TSGA10: variants seen among roughly 807,000 people sequenced by gnomAD.
The protein encoded by TSGA10 is testis-specific gene 10 protein.
A neutral mutation model predicts 96.6 loss-of-function variants in TSGA10; 43 were observed. The ratio of observed to expected loss-of-function variants is 0.44; its 90% CI spans 0.35 to 0.57. The LOEUF (loss-of-function observed/expected upper bound fraction) is 0.57. TSGA10 is among the 20% of genes least tolerant of loss of function. TSGA10 has a pLI of 0.01. For synonymous variants in TSGA10, 229 were observed against 269.9 expected (o/e 0.85, Z 1.48); for missense variants, 703 against 834.4 (o/e 0.84, Z 1.94).
intron 3 of TSGA10, 93 bp from the exon 4 acceptor site, chr2:99,117,852 C>T (rs1373244475): frequency 1.1e-5 from 6 of 562,612 alleles, no homozygotes; most frequent in Non-Finnish European, 1.4e-5. Flanking sequence ...GGGAGATTTG[C>T]TTCCCTGGCA....
At chr2:99,036,214 G>A (rs2081611873) in intron 16 of TSGA10, among the ~76,000 whole-genome samples, 1 of 152,076 alleles carries the variant, frequency 6.6e-6, no homozygotes, top group Non-Finnish European at 1.5e-5. Flanking sequence ...CAAGTGTAAA[G>A]CACTAGAATT....
intron 1 of TSGA10, among the ~76,000 whole-genome samples, chr2:99,146,632 CT>C (rs1229631785): frequency 6.6e-6 from 1 of 151,922 alleles, no homozygotes; most frequent in Admixed American, 6.6e-5. Flanking sequence ...TTGCACTCCA[CT>C]TTTTTTTCTT....
In TSGA10 at chr2:99,081,183, G is replaced by A. The variant is rs957045576; in HGVS notation, c.727+99C>T. ...TATTCATAAACTTAGTTAAGGGCTTGTTTCCAAGTTTTTCTATGTTATACT... is the reference window on the plus strand; with the variant it reads ...TATTCATAAACTTAGTTAAGGGCTTATTTCCAAGTTTTTCTATGTTATACT... On this transcript the variant is annotated intron_variant, in intron 11 of 20. Transcript: ENST00000393483. 4 of 560,536 alleles carry A rather than the reference G, an allele frequency of 7.1e-6. No individual in the cohort carries two copies. In the African/African-American group the frequency reaches 7.8e-5, roughly 11 times the overall value. The allele number at this position is 560,536 out of a possible 1,614,324, so 34.7% of individuals were successfully genotyped here.
At chr2:99,065,747 A>G (rs1160433486) in intron 15 of TSGA10, among the ~76,000 whole-genome samples, 3 of 152,218 alleles carry the variant, frequency 2.0e-5, no homozygotes, top group Admixed American at 6.5e-5. Context: ...GAAGTAAACT[A>G]TCAAACCTAT....
chr2:99,105,196 T>C (rs2091215388), intron 9 of TSGA10, among the ~76,000 whole-genome samples, 163 bp downstream of exon 9: 1 of 151,998 alleles, frequency 6.6e-6, no homozygotes, highest in South Asian at 2.1e-4. Flanking sequence ...AATAAACAAA[T>C]GAAAAAGTGA....
intron 1 of TSGA10, chr2:99,142,387 TC>T (rs2093576585): frequency 6.6e-6 from 1 of 152,224 alleles, no homozygotes; most frequent in Non-Finnish European, 1.5e-5. Flanking sequence ...GACTAACAAT[TC>T]CTGTTTTCGC....
chr2:99,074,351 C>CGTGT (rs147220063), intron 12 of TSGA10, among the ~76,000 whole-genome samples: 1,634 of 145,120 alleles, frequency 0.011, 7 homozygotes, highest in Middle Eastern at 0.028. Flanking sequence ...CACATATTTG[C>CGTGT]GTGTGTGTGT....
intron 16 of TSGA10, among the ~76,000 whole-genome samples, chr2:99,055,640 A>G (rs2083894803): frequency 6.6e-6 from 1 of 152,080 alleles, no homozygotes; most frequent in Non-Finnish European, 1.5e-5. Context: ...GGGGGAATAA[A>G]GCCAGGCAGA....
chr2:99,081,015 A>G (rs563835929), intron 11 of TSGA10, among the ~76,000 whole-genome samples: 7 of 152,250 alleles, frequency 4.6e-5, no homozygotes, highest in African/African-American at 1.7e-4. Flanking sequence ...TTCAAATTTA[A>G]GTTATCATCG....
At chr2:99,147,515 C>G (rs1311864870) in intron 1 of TSGA10, 2 of 1,610,186 alleles carry the variant, frequency 1.2e-6, no homozygotes, top group Non-Finnish European at 8.5e-7. Flanking sequence ...AGGGCCAAGT[C>G]TACCCTATTA....
intron 10 of TSGA10, among the ~76,000 whole-genome samples, chr2:99,100,056 T>A (rs910351562): frequency 1.3e-5 from 2 of 152,140 alleles, no homozygotes; most frequent in African/African-American, 4.8e-5. Flanking sequence ...TATACAATGC[T>A]TATGGTGGCC....
intron 20 of TSGA10, among the ~76,000 whole-genome samples, chr2:99,007,401 CA>C (rs1334084737): frequency 1.3e-5 from 2 of 151,986 alleles, no homozygotes; most frequent in Admixed American, 6.6e-5. Context: ...TGCAGTTACT[CA>C]AAAAAGTTAA....
At chr2:99,121,504 C>T (rs1386553268) in intron 2 of TSGA10, among the ~76,000 whole-genome samples, 2 of 588 alleles carry the variant, frequency 3.4e-3, no homozygotes, top group Admixed American at 0.028. Flanking sequence ...GAGACAGAAT[C>T]TCATTCTCAC....
intron 10 of TSGA10, among the ~76,000 whole-genome samples, chr2:99,087,009 C>A (rs544466052): frequency 1.4e-4 from 21 of 151,758 alleles, no homozygotes; most frequent in South Asian, 4.2e-4. Flanking sequence ...TTGAGACCAT[C>A]CTGGCTAACA....
intron 1 of TSGA10, among the ~76,000 whole-genome samples, chr2:99,147,901 T>A (rs1205687719): frequency 1.3e-5 from 2 of 152,226 alleles, no homozygotes; most frequent in Non-Finnish European, 2.9e-5. Context: ...GACATTGACT[T>A]ATATAACCAC....
At chr2:99,002,552 C>T (rs56706116) in intron 20 of TSGA10, among the ~76,000 whole-genome samples, 7 of 151,968 alleles carry the variant, frequency 4.6e-5, no homozygotes, top group African/African-American at 7.2e-5. Context: ...TAAAGACCAT[C>T]GAGGCTAAGA....
chr2:99,051,303 T>A (rs1453353449), intron 16 of TSGA10, among the ~76,000 whole-genome samples: 3 of 152,040 alleles, frequency 2.0e-5, no homozygotes, highest in African/African-American at 7.2e-5. Context: ...AAAAAATATA[T>A]CATGCAAAGA....
At chr2:99,017,752 G>A (rs999659328) in intron 20 of TSGA10, among the ~76,000 whole-genome samples, 12 of 146,366 alleles carry the variant, frequency 8.2e-5, no homozygotes, top group East Asian at 2.0e-4. Flanking sequence ...ACGACAGAGA[G>A]AGACTCCGTC....
Position 99,109,481 on chromosome 2 carries a change from C to G in TSGA10, c.-42G>C. On this transcript the variant is annotated 5_prime_UTR_variant, in exon 6 of 21. Coordinates refer to ENST00000393483, the MANE Select transcript of TSGA10 (RefSeq NM_025244.4). ...GCTTCACTCTTATAGTGATCTTTGT[C>G]TGCTTCCAAAGTCTTGACAAAGGAA... 6.2e-7 allele frequency: 1 copy of G among 1,605,628 alleles called. No individual in the cohort carries two copies. Among genetic ancestry groups the G allele is most frequent in the Non-Finnish European group, 8.5e-7 (1 of 1,174,846 alleles).
Sources: gnomAD v4.1 joint callset for allele counts (sites outside exome capture counted in the v4.1 genomes callset) on GRCh38, gnomAD v4.1.1 for gene constraint, MANE v1.5 for transcripts, NCBI Gene and HGNC (gene_info 2026-07-23, HGNC 2026-07-21) for gene names.